Variants in FGFR3 observed in about 807,000 individuals in gnomAD.
FGFR3 encodes FGFR-3.
Under a neutral mutation model 82.9 loss-of-function variants are expected in FGFR3, and 25 were observed. The ratio of observed to expected loss-of-function variants is 0.30; its 90% confidence interval spans 0.22 to 0.42. The LOEUF (loss-of-function observed/expected upper bound fraction) is 0.42. FGFR3 is among the 10% of genes least tolerant of loss of function. FGFR3 has a pLI of 1.00. For synonymous variants in FGFR3, 620 were observed against 516.0 expected (o/e 1.20, Z -2.73); for missense variants, 1,026 against 1,161.0 (o/e 0.88, Z 1.69).
In FGFR3 at chr4:1,804,394, G is replaced by T. The variant is rs1418835941; in HGVS notation, c.1140G>T (p.Gly380=). The T allele has an allele frequency of 1.2e-6, 2 of 1,613,188 alleles. No individual in the cohort carries two copies. The highest frequency in any genetic ancestry group is 2.2e-5 in the East Asian group (1 of 44,874). ...GSVYAGILSY[G]VGFFLFILVV... is the part of the protein sequence containing the mutation. ...TGTATGCAGGCATCCTCAGCTACGG[G>T]GTGGGCTTCTTCCTGTTCATCCTGG... Residue 380 remains glycine, a synonymous_variant, in exon 9 of 18, where the codon GGG becomes GGT. Transcript: ENST00000440486.
At chr4:1,802,979 C>T (rs555252952) in intron 7 of FGFR3, 86 of 1,594,640 alleles carry the variant, frequency 5.4e-5, no homozygotes, top group South Asian at 3.4e-4. Context: ...CGGAGCGGGA[C>T]GGGGGCGAGT....
intron 8 of FGFR3, 36 bp from the exon 9 acceptor site, chr4:1,804,294 G>T (rs200104209): frequency 6.1e-5 from 95 of 1,553,312 alleles, no homozygotes; most frequent in South Asian, 2.9e-4. Context: ...GTGGGGGGGG[G>T]GGCCAGGCCA....
At chr4:1,794,269 G>T (rs1340306221) in intron 2 of FGFR3, among the ~76,000 whole-genome samples, 1 of 152,244 alleles carries the variant, frequency 6.6e-6, no homozygotes, top group Non-Finnish European at 1.5e-5. Flanking sequence ...CCACCACGGG[G>T]AGCCAGGCTG....
rs900372633 is a variant in FGFR3 at position 1,804,929 on chromosome 4, G to C, written c.1372G>C (p.Glu458Gln). The change falls in exon 10 of 18, where the codon GAG (glutamate) becomes CAG (glutamine). Residue 458 changes from glutamate to glutamine, a missense_variant. Coordinates refer to ENST00000440486, the MANE Select transcript of FGFR3 (RefSeq NM_000142.5). ...CACGCTGGCCAATGTCTCCGAGCTCGAGCTGCCTGCCGACCCCAAATGGGA... is the reference window on the plus strand; with the variant it reads ...CACGCTGGCCAATGTCTCCGAGCTCCAGCTGCCTGCCGACCCCAAATGGGA... Reference protein sequence around the residue: ...GPTLANVSELELPADPKWELS... With the variant: ...GPTLANVSELQLPADPKWELS... The C allele has an allele frequency of 1.9e-5, 30 of 1,550,004 alleles. No individual in the cohort carries two copies. Among genetic ancestry groups the C allele is most frequent in the Non-Finnish European group, 2.5e-5 (29 of 1,146,852 alleles).
Position 1,807,757 on chromosome 4 carries a change from C to A in FGFR3, c.*495C>A. 1.7e-6 allele frequency: 1 copy of A among 575,116 alleles called. No homozygotes were observed. Among genetic ancestry groups the A allele is most frequent in the East Asian group, 3.4e-5 (1 of 29,364 alleles). The allele number at this position is 575,116 out of a possible 1,614,324, so 35.6% of individuals were successfully genotyped here. A position where few individuals can be genotyped will look rare whatever the true frequency, so the allele number is the denominator to read the frequency against. On this transcript the variant is annotated 3_prime_UTR_variant, in exon 18 of 18. Transcript: ENST00000440486. ...GTTAGTGGCACCGCCTCCCCACCTC[C>A]AGGCTTTCCCACTTCCCACCCTGCC...
intron 4 of FGFR3, 35 bp from the exon 5 acceptor site, chr4:1,801,332 C>G (rs760363696): frequency 1.3e-6 from 2 of 1,542,108 alleles, no homozygotes; most frequent in African/African-American, 2.7e-5. Flanking sequence ...TGCTCCCACT[C>G]GGGTCATGGC....
At chr4:1,802,594 G>T (rs2108787779) in intron 7 of FGFR3, among the ~76,000 whole-genome samples, 1 of 152,348 alleles carries the variant, frequency 6.6e-6, no homozygotes, top group South Asian at 2.1e-4. Flanking sequence ...CAGGCGCAGG[G>T]CGAGGGTGGA....
intron 7 of FGFR3, chr4:1,803,186 G>T: frequency 8.4e-7 from 1 of 1,194,212 alleles, no homozygotes; most frequent in Middle Eastern, 3.0e-4. Flanking sequence ...GCTCCACTCG[G>T]GGCCGCCTCG....
chr4:1,793,606 C>A (rs17879199), intron 1 of FGFR3, 141 bp downstream of exon 1: 45 of 149,498 alleles, frequency 3.0e-4, no homozygotes, highest in Non-Finnish European at 8.9e-5. Flanking sequence ...GAAAGTTTGC[C>A]GCCGCCGCCG....
In FGFR3 at chr4:1,805,608, G is replaced by A. The variant is rs1448843898; in HGVS notation, c.1584G>A (p.Met528Ile). 1.2e-6 allele frequency: 2 copies of A among 1,613,350 alleles called. No homozygotes were observed. The highest frequency in any genetic ancestry group is 1.1e-5 in the South Asian group (1 of 91,078). The change falls in exon 12 of 18, where the codon ATG becomes ATA. Residue 528 changes from methionine (M) to isoleucine (I), a missense_variant. Around this residue, in one of 9 missense-constraint regions of FGFR3, gnomAD observed 164 missense variants for 167.5 expected, o/e 0.98. Transcript: ENST00000440486. ...CGGACCTGGTGTCTGAGATGGAGAT[G>A]ATGAAGATGATCGGGAAACACAAAA... ...DLSDLVSEME[M>I]MKMIGKHKNI...
intron 4 of FGFR3, among the ~76,000 whole-genome samples, chr4:1,801,088 C>T (rs1560413576): frequency 1.3e-5 from 2 of 152,316 alleles, no homozygotes; most frequent in East Asian, 3.9e-4. Context: ...CCTCTCTGGG[C>T]AGGTGGGCTC....
intron 8 of FGFR3, 72 bp downstream of exon 8, chr4:1,803,908 C>A: frequency 6.7e-7 from 1 of 1,493,776 alleles, no homozygotes; most frequent in Non-Finnish European, 9.3e-7. Context: ...CCAAAGCTGC[C>A]AGGACGGACG....
rs746217459 is a variant in FGFR3 at position 1,804,439 on chromosome 4, C to T, written c.1185C>T (p.Leu395=). The T allele has an allele frequency of 1.9e-6, 3 of 1,612,704 alleles. No individual in the cohort carries two copies. In the Admixed American group the frequency reaches 5.0e-5, roughly 27 times the overall value. The change falls in exon 9 of 18, where the codon CTC becomes CTT. Residue 395 remains leucine (L), a synonymous_variant. Coordinates refer to ENST00000440486, the MANE Select transcript of FGFR3 (RefSeq NM_000142.5). ...TCCTGGTGGTGGCGGCTGTGACGCT[C>T]TGCCGCCTGCGCAGCCCCCCCAAGA... The part of the protein sequence containing the change: ...LFILVVAAVT[L]CRLRSPPKKG...
In FGFR3 at chr4:1,805,790, C is replaced by T. The variant is rs761445231; in HGVS notation, c.1686C>T (p.Asn562=). 254 of 1,612,536 alleles carry T rather than the reference C, an allele frequency of 1.6e-4. 1 individual carries two copies. The highest frequency in any genetic ancestry group is 3.3e-5 in the Admixed American group (2 of 59,980). The stretch of plus-strand genomic sequence containing the variant: ...TGGTGGAGTACGCGGCCAAGGGTAA[C>T]CTGCGGGAGTTTCTGCGGGCGCGGC... ...YVLVEYAAKG[N]LREFLRARRP... Residue 562 remains asparagine, a synonymous_variant, in exon 13 of 18, where the codon AAC becomes AAT. Transcript: ENST00000440486.
chr4:1,793,779 C>G (rs1047224810), intron 1 of FGFR3, 54 bp from the exon 2 acceptor site: 1 of 163,336 alleles, frequency 6.1e-6, no homozygotes, highest in African/African-American at 2.4e-5. Context: ...AGCCGGCCAC[C>G]GCCGCTTTCG....
At chr4:1,800,698 A>G (rs922582432) in intron 4 of FGFR3, among the ~76,000 whole-genome samples, 2 of 151,866 alleles carry the variant, frequency 1.3e-5, no homozygotes, top group Non-Finnish European at 2.9e-5. Context: ...CACTGAGGGG[A>G]GGGCTGCTTC....
In FGFR3 at chr4:1,807,571, C is replaced by G. The variant is rs1360138475; in HGVS notation, c.*309C>G. On this transcript the variant is annotated 3_prime_UTR_variant, in exon 18 of 18. Transcript: ENST00000440486. ...GGACCCAGTGCAGAATGTAAGTGGG[C>G]CCACCCGGTGGGACCCCCGTGGGGC... The G allele has an allele frequency of 1.4e-6, 1 of 695,768 alleles. No individual in the cohort carries two copies. Among genetic ancestry groups the G allele is most frequent in the East Asian group, 2.7e-5 (1 of 36,400 alleles). The allele number at this position is 695,768 out of a possible 1,614,324, so 43.1% of individuals were successfully genotyped here.
intron 17 of FGFR3, 28 bp downstream of exon 17, chr4:1,806,962 C>T (rs751496966): frequency 1.3e-6 from 2 of 1,575,712 alleles, no homozygotes; most frequent in Non-Finnish European, 1.7e-6. Flanking sequence ...CCTGGTGCCA[C>T]CCGCCTATGC....
intron 7 of FGFR3, chr4:1,802,837 G>C: frequency 1.3e-6 from 2 of 1,500,274 alleles, no homozygotes; most frequent in Non-Finnish European, 1.8e-6. Flanking sequence ...TGTACCTTGG[G>C]GGTCTCCCAC....
Sources: gnomAD v4.1 joint callset for allele counts (sites outside exome capture counted in the v4.1 genomes callset) on GRCh38, gnomAD v4.1.1 for gene constraint, gnomAD v4.1.1 regional missense constraint, MANE v1.5 for transcripts, NCBI Gene and HGNC (gene_info 2026-07-23, HGNC 2026-07-21) for gene names.